The following PCDH15 variants were observed in gnomAD, a reference collection of about 807,000 sequenced individuals.
The protein encoded by PCDH15 is protocadherin related 15.
A neutral mutation model predicts 178.5 loss-of-function variants in PCDH15; 129 were observed. The observed-to-expected ratio is 0.72, with a 90% confidence interval of 0.63 to 0.84. The LOEUF (loss-of-function observed/expected upper bound fraction) is 0.84. Ranked by LOEUF, PCDH15 falls within the 40% of genes least tolerant of loss-of-function variation. The probability of loss-of-function intolerance (pLI) is 0.00; values close to 1 mark genes in which losing one functional copy is unlikely to be tolerated. For synonymous variants in PCDH15, 800 were observed against 732.0 expected (o/e 1.09, Z -1.50); for missense variants, 2,230 against 2,099.9 (o/e 1.06, Z -1.21).
rs78289577 is a variant in PCDH15 at position 54,137,730 on chromosome 10, C to G, written c.1785-4723G>C. On this transcript the variant is annotated intron_variant, in intron 14 of 37. Coordinates refer to ENST00000644397, the MANE Select transcript of PCDH15 (RefSeq NM_001384140.1). ...AGTGAGTTGGATTTGAGATTGTCAC[C>G]AATTTCCTTAGCTGCAGCACCAGAT... Among the ~76,000 whole-genome samples, 1,231 of 152,250 alleles carry G rather than the reference C, an allele frequency of 8.1e-3. 81 individuals carry two copies. The East Asian group carries it at 0.17, about 21-fold the overall frequency.
chr10:55,459,771 T>C (rs780343085), intron 2 of PCDH15, among the ~76,000 whole-genome samples: 2 of 152,074 alleles, frequency 1.3e-5, no homozygotes, highest in Non-Finnish European at 2.9e-5. Flanking sequence ...TTAATGTTGG[T>C]GAGTTTAAGA....
At chr10:54,934,524 A>G (rs538261117) in intron 2 of PCDH15, among the ~76,000 whole-genome samples, 58 of 152,170 alleles carry the variant, frequency 3.8e-4, no homozygotes, top group African/African-American at 1.1e-3. Flanking sequence ...CAAAACCACA[A>G]TGAGATACCA....
chr10:54,836,557 G>A (rs1471590745), intron 3 of PCDH15, among the ~76,000 whole-genome samples: 1 of 152,052 alleles, frequency 6.6e-6, no homozygotes, highest in Admixed American at 6.6e-5. Flanking sequence ...GTGATTTTAT[G>A]TGTGTGTCTC....
At chr10:54,532,186 A>T (rs1281118195) in intron 2 of PCDH15, among the ~76,000 whole-genome samples, 1 of 152,138 alleles carries the variant, frequency 6.6e-6, no homozygotes, top group Non-Finnish European at 1.5e-5. Flanking sequence ...TGATCTTTAT[A>T]ATTAAAACCT....
intron 18 of PCDH15, among the ~76,000 whole-genome samples, chr10:54,045,897 A>T (rs2093645014): frequency 6.6e-6 from 1 of 152,126 alleles, no homozygotes; most frequent in Non-Finnish European, 1.5e-5. Context: ...AGTGAAATGG[A>T]AGCTCGAGAA....
chr10:53,966,327 C>G (rs1220970098), intron 21 of PCDH15, among the ~76,000 whole-genome samples: 1 of 152,092 alleles, frequency 6.6e-6, no homozygotes, highest in Non-Finnish European at 1.5e-5. Flanking sequence ...TACTAAATAA[C>G]TAAAATGATG....
At chr10:54,261,443 G>A (rs559756925) in intron 8 of PCDH15, among the ~76,000 whole-genome samples, 1 of 151,952 alleles carries the variant, frequency 6.6e-6, no homozygotes, top group Admixed American at 6.5e-5. Context: ...AAAAGACAAA[G>A]TTGTTAATAG....
chr10:54,087,146 G>A (rs1353535137), intron 16 of PCDH15, among the ~76,000 whole-genome samples: 3 of 152,110 alleles, frequency 2.0e-5, no homozygotes, highest in African/African-American at 7.2e-5. Context: ...TTCTTTTGTT[G>A]ACAGCTTTGT....
intron 2 of PCDH15, among the ~76,000 whole-genome samples, chr10:55,392,237 T>C (rs1206997660): frequency 6.6e-6 from 1 of 152,128 alleles, no homozygotes; most frequent in Non-Finnish European, 1.5e-5. Flanking sequence ...GGCAGAAACA[T>C]AGAGTGAGCA....
intron 8 of PCDH15, among the ~76,000 whole-genome samples, chr10:54,276,715 T>C (rs571667284): frequency 6.6e-6 from 1 of 151,718 alleles, no homozygotes; most frequent in East Asian, 1.9e-4. Flanking sequence ...ACAAAGAACT[T>C]GAAAAACAGA....
At chr10:54,911,039 G>A (rs1954806258) in intron 2 of PCDH15, among the ~76,000 whole-genome samples, 1 of 152,194 alleles carries the variant, frequency 6.6e-6, no homozygotes, top group African/African-American at 2.4e-5. Flanking sequence ...GACAAGAATG[G>A]AATGAAAATA....
At chr10:54,699,530 A>G (rs1278724454) in intron 1 of PCDH15, among the ~76,000 whole-genome samples, 1 of 152,090 alleles carries the variant, frequency 6.6e-6, no homozygotes, top group East Asian at 1.9e-4. Flanking sequence ...AATGATGGCA[A>G]TGCAGTCCCA....
intron 2 of PCDH15, among the ~76,000 whole-genome samples, chr10:55,354,646 C>T (rs1309215262): frequency 6.6e-6 from 1 of 152,026 alleles, no homozygotes; most frequent in Admixed American, 6.6e-5. Context: ...ACTTAACATT[C>T]ATCAGTGAAA....
At chr10:54,866,544 C>G (rs1380422268) in intron 3 of PCDH15, among the ~76,000 whole-genome samples, 3 of 152,152 alleles carry the variant, frequency 2.0e-5, no homozygotes, top group African/African-American at 7.2e-5. Flanking sequence ...ATCAATGATA[C>G]AGGAATACTT....
chr10:54,924,647 G>T lies in PCDH15; in HGVS notation c.-79-27147C>A, dbSNP rs182247260. On this transcript the variant is annotated intron_variant, in intron 2 of 5. Transcript: ENST00000458638. ...TTTAAAAATAGCCATTCTGATTGGT[G>T]TAAGATGGTATCCCATTATAGTTTT... 1.6e-3 allele frequency among the ~76,000 whole-genome samples: 241 copies of T among 152,156 alleles called. 3 individuals carry two copies. The highest frequency in any genetic ancestry group is 4.9e-4 in the Non-Finnish European group (33 of 68,012).
chr10:53,953,530 G>A (rs2087298557), intron 23 of PCDH15, among the ~76,000 whole-genome samples: 1 of 151,456 alleles, frequency 6.6e-6, no homozygotes, highest in Non-Finnish European at 1.5e-5. Flanking sequence ...TTGAAAGCCA[G>A]CCACCAGGAA....
chr10:55,087,114 T>G (rs983159346), intron 2 of PCDH15, among the ~76,000 whole-genome samples: 1 of 152,166 alleles, frequency 6.6e-6, no homozygotes, highest in Non-Finnish European at 1.5e-5. Flanking sequence ...ATTACTTGAG[T>G]GCTAATCTCA....
intron 2 of PCDH15, among the ~76,000 whole-genome samples, chr10:54,995,114 C>T (rs1223327407): frequency 6.6e-6 from 1 of 151,980 alleles, no homozygotes; most frequent in African/African-American, 2.4e-5. Context: ...CGGTGGCTCA[C>T]GTTTGTAATC....
At chr10:55,063,068 AT>A in intron 2 of PCDH15, among the ~76,000 whole-genome samples, 1 of 152,268 alleles carries the variant, frequency 6.6e-6, no homozygotes, top group Middle Eastern at 3.4e-3. Flanking sequence ...CAGAACAGCT[AT>A]TCAAATTGTC....
Sources: allele counts gnomAD v4.1 joint callset (sites outside exome capture counted in the v4.1 genomes callset), GRCh38; gene constraint gnomAD v4.1.1; transcripts MANE v1.5; gene names NCBI Gene and HGNC (gene_info 2026-07-23, HGNC 2026-07-21).